AGAP1: variants seen among roughly 807,000 people sequenced by gnomAD.
AGAP1 encodes the protein arf-GAP with GTPase, ANK repeat and PH domain-containing protein 1.
In AGAP1, 29 loss-of-function variants were observed where a neutral mutation model predicts 105.3. The ratio of observed to expected loss-of-function variants is 0.28; its 90% CI spans 0.21 to 0.38. The LOEUF is 0.38. Ranked by LOEUF, AGAP1 falls within the 10% of genes least tolerant of loss-of-function variation. The probability of loss-of-function intolerance (pLI) is 1.00; values close to 1 mark genes in which losing one functional copy is unlikely to be tolerated. For synonymous variants in AGAP1, 509 were observed against 485.9 expected (o/e 1.05, Z -0.63); for missense variants, 998 against 1,165.1 (o/e 0.86, Z 2.09).
At chr2:235,996,942 T>C (rs1465726359) in intron 13 of AGAP1, among the ~76,000 whole-genome samples, 1 of 152,170 alleles carries the variant, frequency 6.6e-6, no homozygotes, top group African/African-American at 2.4e-5. Flanking sequence ...ACTAGCTAAG[T>C]GTAGGAGAAG....
At chr2:235,980,273 A>G (rs1320036436) in intron 13 of AGAP1, among the ~76,000 whole-genome samples, 1 of 152,224 alleles carries the variant, frequency 6.6e-6, no homozygotes, top group Non-Finnish European at 1.5e-5. Flanking sequence ...GGGTTTTGGC[A>G]GGCAGCCAGG....
chr2:235,849,488 C>T (rs1464606692), intron 9 of AGAP1, among the ~76,000 whole-genome samples: 1 of 152,312 alleles, frequency 6.6e-6, no homozygotes, highest in East Asian at 1.9e-4. Flanking sequence ...ACCTCTCCTG[C>T]AGTGGAGGAC....
rs1334821087 is a variant in AGAP1, at chr2:235,712,889, G to A, written c.222+3652G>A. On this transcript the variant is annotated intron_variant, in intron 2 of 17. Coordinates refer to ENST00000304032, the MANE Select transcript of AGAP1 (RefSeq NM_001037131.3). This position sits in a 1 kb window ranked among gnomAD's most constrained non-coding sequence, Gnocchi z 6.0. ...CGGGTGGCGTGACACACTTGAAACG[G>A]CATTTTGACCCCTTATTTTATTTTC... Among the ~76,000 whole-genome samples, 1 of 152,194 alleles carries A rather than the reference G, an allele frequency of 6.6e-6. No homozygotes were observed. Among genetic ancestry groups the A allele is most frequent in the Non-Finnish European group, 1.5e-5 (1 of 68,042 alleles).
At chr2:235,771,570 C>T (rs1195823867) in intron 6 of AGAP1, among the ~76,000 whole-genome samples, 2 of 152,236 alleles carry the variant, frequency 1.3e-5, no homozygotes, top group Non-Finnish European at 1.5e-5. Flanking sequence ...AGAGCTCCAT[C>T]TGCCCTGTCT....
At chr2:235,990,595 G>A (rs1013376184) in intron 13 of AGAP1, among the ~76,000 whole-genome samples, 1 of 152,204 alleles carries the variant, frequency 6.6e-6, no homozygotes, top group East Asian at 1.9e-4. Context: ...CCAAGGGCAG[G>A]CATCACATGA....
rs1943196352 is a variant in AGAP1 at position 235,535,829 on chromosome 2, T to C, written c.163+40980T>C. ...GGCAGCGGCTCTGCTTTCCAGAACC[T>C]TCTGGGAGTGGCAGACACACATTAG... On this transcript the variant is annotated intron_variant, in intron 1 of 17. Transcript: ENST00000304032. The surrounding 1 kb of genome is among the most constrained non-coding windows in gnomAD (Gnocchi z 5.1). Among the ~76,000 whole-genome samples the C allele has an allele frequency of 6.6e-6, 1 of 152,024 alleles. No individual in the cohort carries two copies. The highest frequency in any genetic ancestry group is 2.1e-4 in the South Asian group (1 of 4,794).
At chr2:235,528,644 C>A (rs1263774913) in intron 1 of AGAP1, among the ~76,000 whole-genome samples, 1 of 152,056 alleles carries the variant, frequency 6.6e-6, no homozygotes, top group Non-Finnish European at 1.5e-5. Context: ...ACCTCTCCAG[C>A]CTTCTCTTGT....
rs114763662 is a variant in AGAP1, at chr2:235,955,635, A to G, written c.1484-12827A>G. On this transcript the variant is annotated intron_variant, in intron 12 of 17. Transcript: ENST00000304032. ...AAAAGAATCCTATTACTTATCTTCT[A>G]TGACATATAACACTCAACCCATGGG... Among the ~76,000 whole-genome samples the G allele has an allele frequency of 3.6e-3, 553 of 152,362 alleles. 5 individuals carry two copies. The highest frequency in any genetic ancestry group is 0.012 in the African/African-American group (499 of 41,582).
intron 5 of AGAP1, among the ~76,000 whole-genome samples, chr2:235,749,545 T>G (rs938150657): frequency 6.6e-6 from 1 of 151,954 alleles, no homozygotes; most frequent in Non-Finnish European, 1.5e-5. Context: ...TGCTCCCCTC[T>G]CCACACACCT....
Position 235,494,085 on chromosome 2 carries a change from G to T in AGAP1, c.-602G>T. 1 of 146,456 alleles carries T rather than the reference G, an allele frequency of 6.8e-6. No individual in the cohort carries two copies. The highest frequency in any genetic ancestry group is 1.8e-4 in the South Asian group (1 of 5,576). The allele number at this position is 146,456 out of a possible 1,614,324, so 9.1% of individuals were successfully genotyped here. On this transcript the variant is annotated 5_prime_UTR_variant, in exon 1 of 18. Coordinates refer to ENST00000304032, the MANE Select transcript of AGAP1 (RefSeq NM_001037131.3). ...GGAGGGGGCCGGCCGGGCAGGCGGC[G>T]GGCGGCGCTCGGAGCGGGCTCCGCG...
rs1190756343 is a variant in AGAP1, at chr2:235,964,425, C to G, written c.1484-4037C>G. 1.3e-5 allele frequency among the ~76,000 whole-genome samples: 2 copies of G among 152,076 alleles called. No individual in the cohort carries two copies. The highest frequency in any genetic ancestry group is 1.3e-4 in the Admixed American group (2 of 15,276). ...TTGTTTCCCATGGCCTGGCACCATA[C>G]CTGGCAAAGTGGGCTCCTAACACTG... On this transcript the variant is annotated intron_variant, in intron 12 of 17. Transcript: ENST00000304032. The surrounding 1 kb of genome is among the most constrained non-coding windows in gnomAD (Gnocchi z 4.6).
rs1943658558 is a variant in AGAP1 at position 235,547,354 on chromosome 2, G to T, written c.163+52505G>T. On this transcript the variant is annotated intron_variant, in intron 1 of 17. Coordinates refer to ENST00000304032, the MANE Select transcript of AGAP1 (RefSeq NM_001037131.3). ...CAGGCAGTAATATGCTGCTTACATT[G>T]ACTTTTTTTTTTTTTTTTTTCTGAG... is the stretch of plus-strand genomic sequence containing the variant. 2.8e-5 allele frequency among the ~76,000 whole-genome samples: 4 copies of T among 144,510 alleles called. No homozygotes were observed. In the South Asian group the frequency reaches 6.7e-4, roughly 24 times the overall value. 94.8% of individuals were successfully genotyped at this position (144,510 alleles called of 152,430 possible). A position where few individuals can be genotyped will look rare whatever the true frequency, so the allele number is the denominator to read the frequency against.
chr2:235,759,315 C>T (rs933908282), intron 6 of AGAP1, among the ~76,000 whole-genome samples: 1 of 151,936 alleles, frequency 6.6e-6, no homozygotes. Context: ...ACTACAGGCG[C>T]CTGCCACCAC....
intron 6 of AGAP1, among the ~76,000 whole-genome samples, chr2:235,786,483 T>G (rs975829843): frequency 4.6e-5 from 7 of 152,358 alleles, no homozygotes; most frequent in African/African-American, 1.4e-4. Flanking sequence ...TGCTTTTAAA[T>G]TCTGCCTACT....
At chr2:235,709,290 A>G in intron 2 of AGAP1, 53 bp downstream of exon 2, 7 of 1,582,244 alleles carry the variant, frequency 4.4e-6, no homozygotes, top group Non-Finnish European at 4.3e-6. Flanking sequence ...GGCTCTGTGC[A>G]CACCCAAGCC....
intron 16 of AGAP1, among the ~76,000 whole-genome samples, chr2:236,091,632 G>C (rs900282394): frequency 2.0e-5 from 3 of 152,156 alleles, no homozygotes; most frequent in African/African-American, 7.2e-5. Context: ...AATTAGCCGA[G>C]TGTGGTGGCG....
intron 9 of AGAP1, among the ~76,000 whole-genome samples, chr2:235,815,305 C>A (rs1351289305): frequency 6.6e-6 from 1 of 152,202 alleles, no homozygotes; most frequent in Non-Finnish European, 1.5e-5. Flanking sequence ...TTCTGGAGAG[C>A]CCTCTCCTTG....
intron 10 of AGAP1, among the ~76,000 whole-genome samples, chr2:235,884,314 G>T (rs185444939): frequency 2.3e-3 from 355 of 152,140 alleles, no homozygotes; most frequent in Non-Finnish European, 3.6e-3. Context: ...TAACCTGAGA[G>T]TATCATCCTC....
chr2:235,648,624 AG>A (rs1397698113), intron 1 of AGAP1, among the ~76,000 whole-genome samples: 2 of 150,582 alleles, frequency 1.3e-5, no homozygotes, highest in East Asian at 3.9e-4. Context: ...CTGTCATCCC[AG>A]CACTTTGGGA....
Sources: allele counts gnomAD v4.1 joint callset (sites outside exome capture counted in the v4.1 genomes callset), GRCh38; gene constraint gnomAD v4.1.1; non-coding constraint Gnocchi (gnomAD v3.1); transcripts MANE v1.5; gene names NCBI Gene and HGNC (gene_info 2026-07-23, HGNC 2026-07-21).